The following CDC42BPA variants were observed in gnomAD, a reference collection of about 807,000 sequenced individuals.
The protein encoded by CDC42BPA is CDC42 binding protein kinase alpha.
CDC42BPA carries 80 observed loss-of-function variants against 223.5 expected under a neutral mutation model. The observed-to-expected ratio is 0.36, with a 90% CI of 0.30 to 0.43. The LOEUF is 0.43. Ranked by LOEUF, CDC42BPA falls within the 20% of genes least tolerant of loss-of-function variation. The pLI is 1.00. For missense variants in CDC42BPA, 1,743 were observed against 2,099.9 expected (o/e 0.83, Z 3.32); for synonymous variants, 694 against 718.6 (o/e 0.97, Z 0.55).
intron 9 of CDC42BPA, among the ~76,000 whole-genome samples, chr1:227,141,833 G>A (rs1659728995): frequency 6.6e-6 from 1 of 152,168 alleles, no homozygotes; most frequent in Non-Finnish European, 1.5e-5. Flanking sequence ...GCTGGGCATG[G>A]TGGCTTGTGC....
In CDC42BPA at chr1:226,992,748, ATCTCTT is replaced by A. The variant is rs1660909037; in HGVS notation, c.*1514_*1519del. 2.0e-5 allele frequency: 3 copies of A among 152,366 alleles called. No individual in the cohort carries two copies. In the East Asian group the frequency reaches 5.8e-4, roughly 29 times the overall value. 9.4% of individuals were successfully genotyped at this position (152,366 alleles called of 1,614,324 possible). ...TCCTTCATGAGATACTTTTATTTTT[ATCTCTT>A]TCTCTACTCATGTGCTTAACTGGTG... On this transcript the variant is annotated 3_prime_UTR_variant, in exon 37 of 37. Transcript: ENST00000366766.
At position 227,035,534 on chromosome 1, in the gene CDC42BPA, T is replaced by A. The variant is rs532917605; in HGVS notation, c.3273A>T (p.Thr1091=). ...GAGGATCTATACCCAGGGGACCTTT[T>A]GTCTGTTCAGGAGGAACTGGACAAG... ...PTTCPVPPEQ[T]KGPLGIDPQK... The change falls in exon 25 of 37, where the codon ACA becomes ACT. Residue 1091 remains threonine, a synonymous_variant. Coordinates refer to ENST00000366766, the MANE Select transcript of CDC42BPA (RefSeq NM_001394014.1). 7 of 1,612,008 alleles carry A rather than the reference T, an allele frequency of 4.3e-6. No homozygotes were observed. In the South Asian group the frequency reaches 5.5e-5, roughly 13 times the overall value.
chr1:227,080,954 G>T lies in CDC42BPA; in HGVS notation c.2419C>A (p.Leu807Ile). The T allele has an allele frequency of 1.2e-6, 2 of 1,613,574 alleles. No individual in the cohort carries two copies. The highest frequency in any genetic ancestry group is 8.5e-7 in the Non-Finnish European group (1 of 1,179,650). The stretch of plus-strand genomic sequence containing the variant: ...GCAACTGATTCTTTCTTGTCTGCTA[G>T]ATCTTTAACCTCTTCTTCTAACTGC... Reference protein sequence around the residue: ...NQQLEEEVKDLADKKESVAHW... With the variant: ...NQQLEEEVKDIADKKESVAHW... Residue 807 changes from leucine (L) to isoleucine (I), a missense_variant, in exon 17 of 37, where the codon CTA becomes ATA. This residue lies in a region of CDC42BPA where 464 missense variants were observed against 488.0 expected (regional missense o/e 0.95). Coordinates refer to ENST00000366766, the MANE Select transcript of CDC42BPA (RefSeq NM_001394014.1).
chr1:227,129,678 A>AAAAAAAAAAG (rs1656610835), intron 10 of CDC42BPA, among the ~76,000 whole-genome samples: 1 of 113,844 alleles, frequency 8.8e-6, no homozygotes, highest in South Asian at 2.4e-4. Flanking sequence ...AAAAAAAAAA[A>AAAAAAAAAAG]AAAAAAAAAA....
rs767335604 is a variant in CDC42BPA, at chr1:227,004,949, G to A, written c.4975+45C>T. Reference sequence around the variant, plus strand: ...CGGGACAGGAGGGGAGGGAGCTGGGGGTCACCCTGTCTCAGAGGCACCTTC... The same window carrying A: ...CGGGACAGGAGGGGAGGGAGCTGGGAGTCACCCTGTCTCAGAGGCACCTTC... On this transcript the variant is annotated intron_variant, in intron 35 of 36. Coordinates refer to ENST00000366766, the MANE Select transcript of CDC42BPA (RefSeq NM_001394014.1). 3.9e-6 allele frequency: 5 copies of A among 1,285,596 alleles called. No homozygotes were observed. In the East Asian group the frequency reaches 1.2e-4, roughly 30 times the overall value. The allele number at this position is 1,285,596 out of a possible 1,614,324, so 79.6% of individuals were successfully genotyped here. A position where few individuals can be genotyped will look rare whatever the true frequency, so the allele number is the denominator to read the frequency against.
Position 226,990,371 on chromosome 1 carries a change from T to G in CDC42BPA, c.*3897A>C, listed in dbSNP as rs1158432633. 2.0e-5 allele frequency: 3 copies of G among 152,192 alleles called. No individual in the cohort carries two copies. The highest frequency in any genetic ancestry group is 7.2e-5 in the African/African-American group (3 of 41,434). 9.4% of individuals were successfully genotyped at this position (152,192 alleles called of 1,614,324 possible). On this transcript the variant is annotated 3_prime_UTR_variant, in exon 37 of 37. Transcript: ENST00000366766. ...GGGGGCAGGGCTTACACTCCTTATC[T>G]AGCAGAAGTGCACAGAGAACTCTGG...
intron 12 of CDC42BPA, among the ~76,000 whole-genome samples, chr1:227,118,285 T>C (rs939234555): frequency 6.6e-6 from 1 of 152,112 alleles, no homozygotes; most frequent in Admixed American, 6.5e-5. Context: ...AAATGGCCAA[T>C]AGGTATATGA....
chr1:227,000,005 G>A (rs987913134), intron 35 of CDC42BPA, among the ~76,000 whole-genome samples: 25 of 151,946 alleles, frequency 1.6e-4, no homozygotes, highest in Middle Eastern at 3.4e-3. Flanking sequence ...TGTAGATGAC[G>A]GGTTGATGGG....
intron 10 of CDC42BPA, among the ~76,000 whole-genome samples, chr1:227,132,547 T>G (rs3119697): frequency 7.6e-6 from 1 of 132,052 alleles, no homozygotes; most frequent in Non-Finnish European, 1.6e-5. Flanking sequence ...TCTGCCTGGC[T>G]GCCACCCCGT....
intron 1 of CDC42BPA, among the ~76,000 whole-genome samples, chr1:227,298,839 C>T (rs571779750): frequency 3.9e-5 from 6 of 152,190 alleles, no homozygotes; most frequent in African/African-American, 1.4e-4. Flanking sequence ...AAAGATAATT[C>T]AATATCCATA....
At chr1:227,237,483 C>A (rs1382650661) in intron 2 of CDC42BPA, among the ~76,000 whole-genome samples, 1 of 152,182 alleles carries the variant, frequency 6.6e-6, no homozygotes, top group Non-Finnish European at 1.5e-5. Context: ...TTATTTTATT[C>A]ACTTTACAAT....
chr1:227,182,375 T>C (rs1668089571), intron 5 of CDC42BPA, among the ~76,000 whole-genome samples: 1 of 152,234 alleles, frequency 6.6e-6, no homozygotes, highest in South Asian at 2.1e-4. Context: ...ACCAAATTTA[T>C]ATGCACTGCA....
At chr1:227,008,719 C>T (rs1433669988) in intron 34 of CDC42BPA, among the ~76,000 whole-genome samples, 6 of 152,228 alleles carry the variant, frequency 3.9e-5, no homozygotes, top group Admixed American at 2.0e-4. Context: ...CCAAAGCATA[C>T]ATTTTGAAGA....
chr1:227,205,010 G>A (rs982598001), intron 3 of CDC42BPA, among the ~76,000 whole-genome samples: 6 of 152,032 alleles, frequency 3.9e-5, no homozygotes, highest in African/African-American at 7.2e-5. Flanking sequence ...TGTAATCCCA[G>A]CACTGTGGGG....
chr1:227,195,196 G>A (rs1670466001), intron 4 of CDC42BPA, among the ~76,000 whole-genome samples: 1 of 151,990 alleles, frequency 6.6e-6, no homozygotes, highest in African/African-American at 2.4e-5. Context: ...CAACGTTTTT[G>A]TTTGTTTGTT....
intron 10 of CDC42BPA, among the ~76,000 whole-genome samples, chr1:227,136,987 G>C (rs1482426199): frequency 6.6e-6 from 1 of 151,794 alleles, no homozygotes; most frequent in Non-Finnish European, 1.5e-5. Flanking sequence ...TAAATATATG[G>C]GTAAATAAAA....
intron 6 of CDC42BPA, among the ~76,000 whole-genome samples, chr1:227,151,877 T>C (rs1488178367): frequency 2.1e-5 from 1 of 47,982 alleles, no homozygotes; most frequent in African/African-American, 8.2e-5. Context: ...TAACCCAGTC[T>C]CTACAAAAAA....
intron 24 of CDC42BPA, 37 bp from the exon 25 acceptor site, chr1:227,035,644 C>A (rs1487191769): frequency 2.6e-6 from 4 of 1,527,976 alleles, no homozygotes; most frequent in East Asian, 2.4e-5. Context: ...GATAAAAATT[C>A]ATTTTAACAA....
At chr1:227,246,062 G>T (rs548744314) in intron 2 of CDC42BPA, among the ~76,000 whole-genome samples, 3 of 152,168 alleles carry the variant, frequency 2.0e-5, no homozygotes, top group Non-Finnish European at 4.4e-5. Context: ...TGGGCCAGAG[G>T]GGGGCCCACT....
Sources: gnomAD v4.1 joint callset for allele counts (sites outside exome capture counted in the v4.1 genomes callset) on GRCh38, gnomAD v4.1.1 for gene constraint, gnomAD v4.1.1 regional missense constraint, MANE v1.5 for transcripts, NCBI Gene and HGNC (gene_info 2026-07-23, HGNC 2026-07-21) for gene names.